The following CTNNA3 variants were observed in gnomAD, a reference collection of about 807,000 sequenced individuals.
The protein encoded by CTNNA3 is catenin alpha-3.
In CTNNA3, 76 loss-of-function variants were observed where a neutral mutation model predicts 95.7. The ratio of observed to expected loss-of-function variants is 0.79; its 90% CI spans 0.66 to 0.96. The LOEUF (loss-of-function observed/expected upper bound fraction) is 0.96, where lower values mean the gene tolerates loss of function less well. Ranked by LOEUF, CTNNA3 falls within the 40% of genes least tolerant of loss-of-function variation. The pLI is 0.00. For synonymous variants in CTNNA3, 431 were observed against 374.4 expected (o/e 1.15, Z -1.74); for missense variants, 1,191 against 1,089.8 (o/e 1.09, Z -1.31).
intron 3 of CTNNA3, among the ~76,000 whole-genome samples, chr10:67,582,713 T>C (rs1842451126): frequency 6.6e-6 from 1 of 152,024 alleles, no homozygotes; most frequent in Admixed American, 6.6e-5. Flanking sequence ...TGTAGGTCTC[T>C]AAGGACTTGC....
intron 9 of CTNNA3, among the ~76,000 whole-genome samples, chr10:66,660,846 T>C (rs1242592984): frequency 6.6e-6 from 1 of 152,160 alleles, no homozygotes; most frequent in Admixed American, 6.5e-5. Flanking sequence ...CCATCTAATA[T>C]ATTTATTCCT....
chr10:66,067,112 C>T (rs904134748), intron 15 of CTNNA3, among the ~76,000 whole-genome samples: 1 of 152,128 alleles, frequency 6.6e-6, no homozygotes, highest in African/African-American at 2.4e-5. Flanking sequence ...TGAGGCTAGT[C>T]ATAAATACTA....
chr10:66,696,069 T>C (rs1469808408), intron 9 of CTNNA3, among the ~76,000 whole-genome samples: 2 of 152,148 alleles, frequency 1.3e-5, no homozygotes, highest in Non-Finnish European at 2.9e-5. Flanking sequence ...AACAATGACC[T>C]GAGGATTACT....
At chr10:67,261,879 T>C (rs1053734566) in intron 5 of CTNNA3, among the ~76,000 whole-genome samples, 1 of 152,170 alleles carries the variant, frequency 6.6e-6, no homozygotes, top group Non-Finnish European at 1.5e-5. Flanking sequence ...TTTTTCTTTA[T>C]GTATGTAGCT....
chr10:67,540,671 T>C (rs952080245), intron 3 of CTNNA3, among the ~76,000 whole-genome samples: 2 of 151,992 alleles, frequency 1.3e-5, no homozygotes, highest in Admixed American at 1.3e-4. Context: ...TATACAAATA[T>C]GTTTTATAAA....
chr10:66,141,265 T>TA (rs60266091), intron 13 of CTNNA3, among the ~76,000 whole-genome samples: 87 of 135,704 alleles, frequency 6.4e-4, no homozygotes, highest in Middle Eastern at 3.8e-3. Flanking sequence ...TGTCTCAGAT[T>TA]AAAAAAAAAA....
intron 13 of CTNNA3, among the ~76,000 whole-genome samples, chr10:66,125,078 A>C (rs1193618477): frequency 6.6e-6 from 1 of 152,238 alleles, no homozygotes; most frequent in Admixed American, 6.5e-5. Flanking sequence ...TGGAAAATTC[A>C]TCACCAGCAC....
At chr10:67,715,972 G>C (rs1841140039) in intron 1 of CTNNA3, among the ~76,000 whole-genome samples, 1 of 152,070 alleles carries the variant, frequency 6.6e-6, no homozygotes, top group Non-Finnish European at 1.5e-5. Context: ...ATACCCTTAA[G>C]AGCGGGTAAC....
At chr10:66,324,186 G>T (rs908551983) in intron 12 of CTNNA3, among the ~76,000 whole-genome samples, 11 of 151,624 alleles carry the variant, frequency 7.3e-5, no homozygotes, top group Admixed American at 2.0e-4. Context: ...CAGGTGTGGT[G>T]GCGCACACCT....
chr10:66,268,506 G>A (rs1053837796), intron 13 of CTNNA3, among the ~76,000 whole-genome samples: 3 of 152,182 alleles, frequency 2.0e-5, no homozygotes, highest in African/African-American at 7.2e-5. Context: ...TAGTCCAGAT[G>A]TCAGACATGC....
intron 11 of CTNNA3, among the ~76,000 whole-genome samples, chr10:66,467,079 C>T (rs1838947430): frequency 6.6e-6 from 1 of 151,696 alleles, no homozygotes. Flanking sequence ...AAATGTCAGG[C>T]TTGGCAGAAT....
At chr10:66,302,731 T>G (rs1245534790) in intron 12 of CTNNA3, among the ~76,000 whole-genome samples, 1 of 152,084 alleles carries the variant, frequency 6.6e-6, no homozygotes, top group Non-Finnish European at 1.5e-5. Context: ...GAATCTCTTC[T>G]GTAAACACAA....
intron 11 of CTNNA3, among the ~76,000 whole-genome samples, chr10:66,407,693 G>T (rs2093069182): frequency 6.6e-6 from 1 of 151,816 alleles, no homozygotes; most frequent in African/African-American, 2.4e-5. Flanking sequence ...CGATTCTCCT[G>T]CCTCAGCCTT....
At chr10:65,937,465 A>G (rs533895064) in intron 17 of CTNNA3, among the ~76,000 whole-genome samples, 1 of 152,142 alleles carries the variant, frequency 6.6e-6, no homozygotes, top group Non-Finnish European at 1.5e-5. Context: ...TTCCATGAGT[A>G]GATGTTTGCC....
At chr10:66,151,223 C>G (rs73312153) in intron 13 of CTNNA3, among the ~76,000 whole-genome samples, 4,917 of 151,798 alleles carry the variant, frequency 0.032, 283 homozygotes, top group African/African-American at 0.11. Context: ...AGATAAAGTA[C>G]TATGGGGACA....
chr10:67,195,321 T>C (rs770251122), intron 6 of CTNNA3, among the ~76,000 whole-genome samples: 12 of 151,986 alleles, frequency 7.9e-5, no homozygotes, highest in Non-Finnish European at 1.3e-4. Flanking sequence ...ATAGCAGGGC[T>C]CTCTTATTCA....
chr10:67,757,365 C>T (rs1235388341), intron 1 of CTNNA3, among the ~76,000 whole-genome samples: 1 of 152,158 alleles, frequency 6.6e-6, no homozygotes, highest in Non-Finnish European at 1.5e-5. Context: ...TACTGAGTAT[C>T]AACTTGATTG....
chr10:67,181,619 T>C (rs1862550325), intron 6 of CTNNA3, among the ~76,000 whole-genome samples: 1 of 152,092 alleles, frequency 6.6e-6, no homozygotes, highest in Non-Finnish European at 1.5e-5. Flanking sequence ...ATTATAGATA[T>C]GTATATGTAT....
intron 3 of CTNNA3, among the ~76,000 whole-genome samples, chr10:67,556,687 G>C (rs1011250043): frequency 4.6e-5 from 7 of 151,674 alleles, no homozygotes; most frequent in African/African-American, 7.3e-5. Context: ...CAATTTTGTT[G>C]ATCTTTTCAA....
Sources: gnomAD v4.1 joint callset for allele counts (sites outside exome capture counted in the v4.1 genomes callset) on GRCh38, gnomAD v4.1.1 for gene constraint, MANE v1.5 for transcripts, NCBI Gene and HGNC (gene_info 2026-07-23, HGNC 2026-07-21) for gene names.